Variants in R3HCC1L observed in about 807,000 individuals in gnomAD.
R3HCC1L encodes the protein R3H domain and coiled-coil containing 1 like, also known as coiled-coil domain-containing protein R3HCC1L.
A neutral mutation model predicts 59.9 loss-of-function variants in R3HCC1L; 51 were observed. The observed-to-expected ratio is 0.85, with a 90% confidence interval of 0.68 to 1.07. The LOEUF (loss-of-function observed/expected upper bound fraction) is 1.07, where lower values mean the gene tolerates loss of function less well. R3HCC1L is among the 50% of genes least tolerant of loss of function. R3HCC1L has a pLI of 0.00. For synonymous variants in R3HCC1L, 322 were observed against 315.2 expected, an observed-to-expected ratio of 1.02 and a Z score of -0.23; for missense variants, 965 against 933.0, an observed-to-expected ratio of 1.03 and a Z score of -0.45.
chr10:98,153,006 C>T (rs1255193697), intron 1 of R3HCC1L, among the ~76,000 whole-genome samples: 4 of 148,770 alleles, frequency 2.7e-5, no homozygotes, highest in African/African-American at 4.9e-5. Flanking sequence ...GGCCCGCCTC[C>T]GCCCGGCCGC....
intron 4 of R3HCC1L, among the ~76,000 whole-genome samples, 162 bp from the exon 5 acceptor site, chr10:98,207,939 G>A (rs543160966): frequency 2.2e-4 from 34 of 152,294 alleles, no homozygotes; most frequent in Admixed American, 9.8e-4. Context: ...TGGAAGGATC[G>A]CTTGAGCCTG....
At chr10:98,185,437 G>GTCTT (rs1564662499) in intron 4 of R3HCC1L, among the ~76,000 whole-genome samples, 1 of 152,164 alleles carries the variant, frequency 6.6e-6, no homozygotes, top group African/African-American at 2.4e-5. Context: ...GTCTTATCTA[G>GTCTT]AATGATTAGG....
chr10:98,177,857 T>C (rs960943830), intron 4 of R3HCC1L, among the ~76,000 whole-genome samples: 4 of 152,242 alleles, frequency 2.6e-5, no homozygotes, highest in Non-Finnish European at 5.9e-5. Flanking sequence ...TCATATAATT[T>C]GCCCACTTTT....
chr10:98,174,888 T>G (rs1456523817), intron 4 of R3HCC1L: 2 of 631,750 alleles, frequency 3.2e-6, no homozygotes, highest in Non-Finnish European at 3.9e-6. Context: ...TATTTGGAAT[T>G]GCCAGATTAC....
intron 4 of R3HCC1L, among the ~76,000 whole-genome samples, chr10:98,189,664 G>A (rs1850622619): frequency 6.6e-6 from 1 of 152,124 alleles, no homozygotes; most frequent in Admixed American, 6.5e-5. Flanking sequence ...GAATTATTTT[G>A]TGTTTTCAAG....
chr10:98,242,884 T>C (rs575748207), intron 9 of R3HCC1L, among the ~76,000 whole-genome samples: 1 of 152,312 alleles, frequency 6.6e-6, no homozygotes, highest in South Asian at 2.1e-4. Flanking sequence ...CTTTGTGCTG[T>C]CTCCTAGAGA....
intron 4 of R3HCC1L, among the ~76,000 whole-genome samples, chr10:98,191,016 G>C (rs1202471932): frequency 6.6e-6 from 1 of 152,118 alleles, no homozygotes; most frequent in East Asian, 1.9e-4. Context: ...GTATTCCATG[G>C]TGTATATGTG....
rs75908349 is a variant in R3HCC1L, at chr10:98,140,873, G to A, written c.-268+6167G>A. Among the ~76,000 whole-genome samples, 263 of 151,998 alleles carry A rather than the reference G, an allele frequency of 1.7e-3. 9 individuals are homozygous for A. The East Asian group carries it at 0.047, about 27-fold the overall frequency. ...TTAAACACATTTTTAAAAAAATTAA[G>A]ATTAATATTAATTTTTTCCTCAAAA... On this transcript the variant is annotated intron_variant, in intron 1 of 9. Transcript: ENST00000298999.
intron 1 of R3HCC1L, among the ~76,000 whole-genome samples, chr10:98,153,380 CAT>C (rs759974022): frequency 6.6e-6 from 1 of 152,064 alleles, no homozygotes; most frequent in Non-Finnish European, 1.5e-5. Flanking sequence ...GGCGGTGCAA[CAT>C]GTGCTTTGTT....
In R3HCC1L at chr10:98,208,530, A is replaced by T; in HGVS notation, c.416A>T (p.His139Leu). The stretch of plus-strand genomic sequence containing the variant: ...ATAACTAATGCACCTTTGCAGAGAC[A>T]TTTTAAACCAAAGAAGGTGGAGTGT... ...GVITNAPLQRHFKPKKVECLE... is the reference protein window; with the variant it reads ...GVITNAPLQRLFKPKKVECLE... Residue 139 changes from histidine to leucine, a missense_variant, in exon 5 of 10, where the codon CAT (histidine) becomes CTT (leucine). Coordinates refer to ENST00000298999, the MANE Select transcript of R3HCC1L (RefSeq NM_001351015.2). The T allele has an allele frequency of 6.2e-7, 1 of 1,614,180 alleles. No homozygotes were observed. The highest frequency in any genetic ancestry group is 8.5e-7 in the Non-Finnish European group (1 of 1,180,024).
intron 4 of R3HCC1L, among the ~76,000 whole-genome samples, chr10:98,167,961 A>G (rs1189367146): frequency 1.3e-5 from 2 of 152,192 alleles, no homozygotes; most frequent in East Asian, 3.8e-4. Flanking sequence ...ATGCATGTCA[A>G]GGTTGAGGTA....
chr10:98,137,807 A>T (rs1844742543), intron 1 of R3HCC1L, among the ~76,000 whole-genome samples: 1 of 152,248 alleles, frequency 6.6e-6, no homozygotes, highest in South Asian at 2.1e-4. Context: ...AGCTTGTAGC[A>T]GAGCAATTAT....
intron 1 of R3HCC1L, among the ~76,000 whole-genome samples, chr10:98,143,970 T>C (rs772360997): frequency 6.6e-6 from 1 of 152,158 alleles, no homozygotes; most frequent in Non-Finnish European, 1.5e-5. Flanking sequence ...CATACTTAAA[T>C]TGTAATCTCT....
chr10:98,195,366 G>C (rs548298078), intron 4 of R3HCC1L, among the ~76,000 whole-genome samples: 1 of 152,088 alleles, frequency 6.6e-6, no homozygotes, highest in Admixed American at 6.6e-5. Flanking sequence ...AAAGTTTAGT[G>C]ATCTGTCATA....
intron 1 of R3HCC1L, among the ~76,000 whole-genome samples, chr10:98,138,608 C>A (rs886384676): frequency 6.6e-6 from 1 of 151,986 alleles, no homozygotes; most frequent in Non-Finnish European, 1.5e-5. Context: ...TATGCTAATT[C>A]TCATCTATAG....
At chr10:98,141,023 T>C (rs1236615833) in intron 1 of R3HCC1L, among the ~76,000 whole-genome samples, 1 of 152,096 alleles carries the variant, frequency 6.6e-6, no homozygotes. Flanking sequence ...TCATGTTTTT[T>C]TTTTCCCAGT....
chr10:98,211,179 C>G, intron 5 of R3HCC1L: 1 of 580,340 alleles, frequency 1.7e-6, no homozygotes, highest in Non-Finnish European at 3.0e-6. Context: ...TCATAGCTTT[C>G]ATCAGATTCT....
At chr10:98,197,383 G>C (rs887637851) in intron 4 of R3HCC1L, among the ~76,000 whole-genome samples, 4 of 152,132 alleles carry the variant, frequency 2.6e-5, no homozygotes, top group African/African-American at 9.7e-5. Flanking sequence ...CATCAGCTCA[G>C]GTGTTAACTC....
At chr10:98,158,810 CTT>C (rs1297836513) in intron 2 of R3HCC1L, among the ~76,000 whole-genome samples, 19 of 143,004 alleles carry the variant, frequency 1.3e-4, no homozygotes, top group Non-Finnish European at 1.5e-4. Flanking sequence ...ATGACATTGA[CTT>C]TTTTTTTTTT....
Sources: allele counts gnomAD v4.1 joint callset (sites outside exome capture counted in the v4.1 genomes callset), GRCh38; gene constraint gnomAD v4.1.1; transcripts MANE v1.5; gene names NCBI Gene and HGNC (gene_info 2026-07-23, HGNC 2026-07-21).